Variants in HECW1 observed in about 807,000 individuals in gnomAD.
HECW1 encodes HECT, C2 and WW domain containing E3 ubiquitin protein ligase 1.
HECW1 carries 61 observed loss-of-function variants against 182.3 expected under a neutral mutation model. That is an observed-to-expected ratio of 0.33 (90% CI 0.27 to 0.41). HECW1 has a LOEUF of 0.41. Among genes scored for constraint, HECW1 ranks in the 10% least tolerant of loss-of-function variants. The pLI is 1.00. For missense variants in HECW1, 1,739 were observed against 2,108.9 expected (o/e 0.82, Z 3.44); for synonymous variants, 859 against 832.6 (o/e 1.03, Z -0.55).
intron 18 of HECW1, 32 bp downstream of exon 18, chr7:43,492,212 C>G: frequency 7.0e-7 from 1 of 1,430,294 alleles, no homozygotes; most frequent in African/African-American, 1.4e-5. Flanking sequence ...GCCCCTGGCT[C>G]AAAGAATAGC....
Position 43,391,369 on chromosome 7 carries a change from G to A in HECW1, c.556-5445G>A, listed in dbSNP as rs143693452. Reference sequence around the variant, plus strand: ...CATCTGTATCTCATTATTGGGCCACGAGAAATAGCAGCCTGACCCTCAGTT... The same window carrying A: ...CATCTGTATCTCATTATTGGGCCACAAGAAATAGCAGCCTGACCCTCAGTT... On this transcript the variant is annotated intron_variant, in intron 6 of 29. Transcript: ENST00000395891. 2.3e-3 allele frequency among the ~76,000 whole-genome samples: 354 copies of A among 152,280 alleles called. 1 individual carries two copies. The highest frequency in any genetic ancestry group is 7.8e-3 in the African/African-American group (324 of 41,560).
At chr7:43,494,288 A>T (rs895341986) in intron 19 of HECW1, among the ~76,000 whole-genome samples, 8 of 151,526 alleles carry the variant, frequency 5.3e-5, no homozygotes, top group African/African-American at 1.9e-4. Flanking sequence ...TCACCTCCTC[A>T]TACTCTCTCC....
intron 21 of HECW1, among the ~76,000 whole-genome samples, 189 bp from the exon 22 acceptor site, chr7:43,506,948 T>C (rs999716621): frequency 2.6e-5 from 4 of 152,246 alleles, no homozygotes; most frequent in Non-Finnish European, 2.9e-5. Context: ...CACACACCTA[T>C]GATCCCAGCT....
At chr7:43,544,158 A>G (rs2081470400) in intron 26 of HECW1, among the ~76,000 whole-genome samples, 1 of 152,278 alleles carries the variant, frequency 6.6e-6, no homozygotes, top group South Asian at 2.1e-4. Context: ...AAGTCATAGA[A>G]GTCATCTGAC....
intron 2 of HECW1, among the ~76,000 whole-genome samples, chr7:43,205,998 G>T (rs1795442375): frequency 6.6e-6 from 1 of 152,088 alleles, no homozygotes. Flanking sequence ...TCTCTCCCCT[G>T]CCACTTCCTC....
At chr7:43,539,791 C>A (rs1172238323) in intron 24 of HECW1, among the ~76,000 whole-genome samples, 1 of 152,168 alleles carries the variant, frequency 6.6e-6, no homozygotes, top group Non-Finnish European at 1.5e-5. Context: ...GGTTACAATG[C>A]CCTAGAGTCT....
chr7:43,398,615 G>GAA (rs879316257), intron 7 of HECW1, among the ~76,000 whole-genome samples: 1 of 142,806 alleles, frequency 7.0e-6, no homozygotes, highest in Non-Finnish European at 1.5e-5. Context: ...CTAGGCTGAA[G>GAA]AAAAAAAAAA....
intron 5 of HECW1, among the ~76,000 whole-genome samples, chr7:43,348,633 G>C (rs1813992536): frequency 6.6e-6 from 1 of 151,896 alleles, no homozygotes; most frequent in Non-Finnish European, 1.5e-5. Context: ...CAGACTTTTT[G>C]ATGTCGGCAT....
chr7:43,387,832 G>A (rs1010446189), intron 6 of HECW1, among the ~76,000 whole-genome samples: 1 of 152,126 alleles, frequency 6.6e-6, no homozygotes, highest in African/African-American at 2.4e-5. Flanking sequence ...TATGCTTCAC[G>A]TTTTTCATCT....
At chr7:43,420,477 C>T (rs970997712) in intron 8 of HECW1, among the ~76,000 whole-genome samples, 1 of 152,036 alleles carries the variant, frequency 6.6e-6, no homozygotes, top group Non-Finnish European at 1.5e-5. Flanking sequence ...GCCAGTGCAA[C>T]AAGGTAAAAA....
At chr7:43,522,821 G>C (rs998243655) in intron 24 of HECW1, among the ~76,000 whole-genome samples, 27 of 152,212 alleles carry the variant, frequency 1.8e-4, no homozygotes, top group African/African-American at 6.5e-4. Flanking sequence ...TGCTGGCCTT[G>C]GTATAAAAGC....
At chr7:43,231,791 C>A (rs529592216) in intron 2 of HECW1, among the ~76,000 whole-genome samples, 39 of 151,522 alleles carry the variant, frequency 2.6e-4, no homozygotes, top group Middle Eastern at 3.4e-3. Flanking sequence ...CCAAGGTGGG[C>A]GGATCACGAG....
At chr7:43,127,907 C>A (rs2152615781) in intron 2 of HECW1, among the ~76,000 whole-genome samples, 1 of 151,242 alleles carries the variant, frequency 6.6e-6, no homozygotes, top group Admixed American at 6.6e-5. Flanking sequence ...AAGACAAGGT[C>A]TTGCTCTGTC....
intron 2 of HECW1, among the ~76,000 whole-genome samples, chr7:43,210,985 C>T (rs773683880): frequency 5.9e-5 from 9 of 152,196 alleles, no homozygotes; most frequent in Non-Finnish European, 1.3e-4. Context: ...AGAGGGTAGC[C>T]GATGCCGGCT....
At chr7:43,245,143 C>T (rs1799260230) in intron 3 of HECW1, among the ~76,000 whole-genome samples, 1 of 152,224 alleles carries the variant, frequency 6.6e-6, no homozygotes, top group Non-Finnish European at 1.5e-5. Flanking sequence ...AGTGTCAGCA[C>T]AGTCACTTAA....
chr7:43,502,036 ACT>A (rs1342402886), intron 21 of HECW1, among the ~76,000 whole-genome samples: 1 of 152,026 alleles, frequency 6.6e-6, no homozygotes, highest in Non-Finnish European at 1.5e-5. Flanking sequence ...TCAAATATTT[ACT>A]CTCTGGTCCT....
chr7:43,248,370 G>T (rs1300822373), intron 3 of HECW1, among the ~76,000 whole-genome samples: 1 of 152,070 alleles, frequency 6.6e-6, no homozygotes, highest in Non-Finnish European at 1.5e-5. Flanking sequence ...AACTGAAAAC[G>T]ATCCTGAGGT....
intron 2 of HECW1, among the ~76,000 whole-genome samples, chr7:43,217,892 C>T (rs889997359): frequency 1.3e-5 from 2 of 152,150 alleles, no homozygotes; most frequent in Non-Finnish European, 2.9e-5. Flanking sequence ...GGCCCAAGAG[C>T]AGTGTTATCT....
chr7:43,135,821 T>C (rs1787466114), intron 2 of HECW1, among the ~76,000 whole-genome samples: 1 of 152,336 alleles, frequency 6.6e-6, no homozygotes, highest in African/African-American at 2.4e-5. Flanking sequence ...ATATCTTTTT[T>C]CATTTCAACT....
Sources: gnomAD v4.1 joint callset for allele counts (sites outside exome capture counted in the v4.1 genomes callset) on GRCh38, gnomAD v4.1.1 for gene constraint, MANE v1.5 for transcripts, NCBI Gene and HGNC (gene_info 2026-07-23, HGNC 2026-07-21) for gene names.